Variants in MCTP2 observed in about 807,000 individuals in gnomAD.
MCTP2 encodes the protein multiple C2 and transmembrane domain-containing protein 2.
In MCTP2, 132 loss-of-function variants were observed where a neutral mutation model predicts 111.6. The ratio of observed to expected loss-of-function variants is 1.18; its 90% CI spans 1.03 to 1.37. MCTP2 has a LOEUF of 1.37. Among genes scored for constraint, MCTP2 ranks in the 40% most tolerant of loss-of-function variants. The pLI is 0.00. For synonymous variants in MCTP2, 395 were observed against 387.7 expected (o/e 1.02, Z -0.22); for missense variants, 1,183 against 1,067.9 (o/e 1.11, Z -1.50).
At chr15:94,383,096 CT>C (rs372510997) in intron 12 of MCTP2, among the ~76,000 whole-genome samples, 1 of 151,830 alleles carries the variant, frequency 6.6e-6, no homozygotes, top group Non-Finnish European at 1.5e-5. Flanking sequence ...TTGAGTTATA[CT>C]TTTTTTGTTT....
At chr15:94,355,330 G>T (rs1337692200) in intron 8 of MCTP2, among the ~76,000 whole-genome samples, 1 of 152,162 alleles carries the variant, frequency 6.6e-6, no homozygotes. Context: ...AGTACATGGA[G>T]ATTTATTATA....
intron 10 of MCTP2, among the ~76,000 whole-genome samples, chr15:94,365,566 A>G (rs532572352): frequency 6.6e-6 from 1 of 152,352 alleles, no homozygotes; most frequent in South Asian, 2.1e-4. Flanking sequence ...GTCGCTAGGA[A>G]AATTTTCACA....
chr15:94,410,611 A>T (rs1340308614), intron 17 of MCTP2, among the ~76,000 whole-genome samples: 1 of 152,162 alleles, frequency 6.6e-6, no homozygotes, highest in Non-Finnish European at 1.5e-5. Flanking sequence ...GTCATGTGTT[A>T]TATAGTTATG....
chr15:94,315,719 T>G (rs980465652), intron 4 of MCTP2, 82 bp downstream of exon 4: 11 of 984,624 alleles, frequency 1.1e-5, no homozygotes, highest in Non-Finnish European at 1.6e-5. Flanking sequence ...CAGTCAGGCT[T>G]TGACATCACA....
At chr15:94,400,133 C>T (rs1183499507) in intron 16 of MCTP2, 138 bp downstream of exon 16, 1 of 670,758 alleles carries the variant, frequency 1.5e-6, no homozygotes, top group Non-Finnish European at 2.6e-6. Context: ...CCCCATCTCT[C>T]CACTTATTTC....
intron 8 of MCTP2, among the ~76,000 whole-genome samples, chr15:94,346,264 A>T (rs1416933876): frequency 6.6e-6 from 1 of 152,212 alleles, no homozygotes; most frequent in Admixed American, 6.5e-5. Context: ...ACTAAAAGAT[A>T]TACCCTTTGC....
intron 14 of MCTP2, among the ~76,000 whole-genome samples, chr15:94,394,957 G>C (rs1001766055): frequency 2.6e-5 from 4 of 152,142 alleles, no homozygotes; most frequent in African/African-American, 9.7e-5. Flanking sequence ...GGTAGAAATG[G>C]AGGCGGTCTA....
At chr15:94,471,485 T>C (rs1426771953) in intron 21 of MCTP2, among the ~76,000 whole-genome samples, 1 of 151,948 alleles carries the variant, frequency 6.6e-6, no homozygotes, top group Non-Finnish European at 1.5e-5. Flanking sequence ...AAGCCAAACT[T>C]GGGCAATAGG....
At chr15:94,245,565 T>G (rs1266372943) in intron 1 of MCTP2, among the ~76,000 whole-genome samples, 1 of 143,842 alleles carries the variant, frequency 7.0e-6, no homozygotes, top group African/African-American at 2.5e-5. Flanking sequence ...TGTATACATA[T>G]ATGTATATAT....
Position 94,304,166 on chromosome 15 carries a change from A to G in MCTP2, c.465+5436A>G, listed in dbSNP as rs186641145. 1.2e-3 allele frequency among the ~76,000 whole-genome samples: 188 copies of G among 152,318 alleles called. 1 individual carries two copies. The highest frequency in any genetic ancestry group is 4.2e-3 in the African/African-American group (173 of 41,580). On this transcript the variant is annotated intron_variant, in intron 2 of 22. Coordinates refer to ENST00000357742, the MANE Select transcript of MCTP2 (RefSeq NM_001385001.1). ...AAATACTTTGAAGACTCTAGGCCAG[A>G]TGTGGTGGCTCATGCCTGTAATCCC...
intron 11 of MCTP2, among the ~76,000 whole-genome samples, chr15:94,368,867 T>C (rs2079338611): frequency 6.6e-6 from 1 of 152,206 alleles, no homozygotes; most frequent in Admixed American, 6.5e-5. Flanking sequence ...CTGCTTTGAA[T>C]AATACTTTAG....
At chr15:94,376,050 A>G (rs1399973536) in intron 12 of MCTP2, among the ~76,000 whole-genome samples, 2 of 152,114 alleles carry the variant, frequency 1.3e-5, no homozygotes, top group South Asian at 2.1e-4. Context: ...AGAAGGCTCA[A>G]TCTTCACTCT....
chr15:94,394,692 G>C (rs2081189788), intron 14 of MCTP2, among the ~76,000 whole-genome samples: 1 of 152,060 alleles, frequency 6.6e-6, no homozygotes, highest in Admixed American at 6.5e-5. Flanking sequence ...TTGAACCTGG[G>C]AGGCAGAGGT....
chr15:94,312,498 T>C (rs780488757), intron 2 of MCTP2, among the ~76,000 whole-genome samples: 3 of 152,192 alleles, frequency 2.0e-5, no homozygotes, highest in Non-Finnish European at 4.4e-5. Context: ...GCCTAGGCAG[T>C]GGTGGTACTT....
chr15:94,400,438 G>A (rs893773004), intron 16 of MCTP2, among the ~76,000 whole-genome samples: 2 of 151,972 alleles, frequency 1.3e-5, no homozygotes, highest in Non-Finnish European at 2.9e-5. Context: ...CCTGGGTTTC[G>A]CTCATGACTG....
At chr15:94,232,598 C>G (rs541814824) in intron 1 of MCTP2, among the ~76,000 whole-genome samples, 59 of 152,292 alleles carry the variant, frequency 3.9e-4, no homozygotes, top group African/African-American at 1.3e-3. Flanking sequence ...TGTTAACGGG[C>G]AGACCTCTGA....
intron 21 of MCTP2, among the ~76,000 whole-genome samples, chr15:94,471,025 G>C (rs901075617): frequency 6.6e-6 from 1 of 152,138 alleles, no homozygotes; most frequent in South Asian, 2.1e-4. Context: ...GCTTTAAAAA[G>C]AAAGTAGAAA....
chr15:94,275,746 A>G (rs564223207), intron 1 of MCTP2, among the ~76,000 whole-genome samples: 1 of 152,206 alleles, frequency 6.6e-6, no homozygotes, highest in South Asian at 2.1e-4. Flanking sequence ...ATCAACTTGT[A>G]AGAAAGATAA....
At position 94,304,521 on chromosome 15, in the gene MCTP2, GA is replaced by G. The variant is rs564922569; in HGVS notation, c.465+5794del. ...TTCTTCATTTTTGTCAAATCACACA[GA>G]AAGTCAAATCATAATCAATGTCTAC... is the stretch of plus-strand genomic sequence containing the variant. On this transcript the variant is annotated intron_variant, in intron 2 of 22. Coordinates refer to ENST00000357742, the MANE Select transcript of MCTP2 (RefSeq NM_001385001.1). Among the ~76,000 whole-genome samples the G allele has an allele frequency of 8.5e-5, 13 of 152,292 alleles. No homozygotes were observed. In the South Asian group the frequency reaches 2.7e-3, roughly 32 times the overall value.
Sources: allele counts gnomAD v4.1 joint callset (sites outside exome capture counted in the v4.1 genomes callset), GRCh38; gene constraint gnomAD v4.1.1; transcripts MANE v1.5; gene names NCBI Gene and HGNC (gene_info 2026-07-23, HGNC 2026-07-21).